Variants in MCF2L observed in about 807,000 individuals in gnomAD.
MCF2L encodes the protein guanine nucleotide exchange factor DBS.
In MCF2L, 97 loss-of-function variants were observed where a neutral mutation model predicts 153.4. The observed-to-expected ratio is 0.63, with a 90% CI of 0.54 to 0.75. MCF2L has a LOEUF of 0.75. Among genes scored for constraint, MCF2L ranks in the 30% least tolerant of loss-of-function variants. The probability of loss-of-function intolerance (pLI) is 0.00; values close to 1 mark genes in which losing one functional copy is unlikely to be tolerated. For missense variants in MCF2L, 1,347 were observed against 1,495.2 expected (o/e 0.90, Z 1.64); for synonymous variants, 659 against 632.2 (o/e 1.04, Z -0.64).
At chr13:112,990,120 C>A (rs879824625) in intron 1 of MCF2L, among the ~76,000 whole-genome samples, 2 of 152,190 alleles carry the variant, frequency 1.3e-5, no homozygotes, top group Admixed American at 1.3e-4. Context: ...CTGTGCAGCC[C>A]GACCAGTACC....
chr13:113,087,418 G>C lies in MCF2L; in HGVS notation c.2557G>C (p.Glu853Gln). The change falls in exon 22 of 30, where the codon GAG becomes CAG. Residue 853 changes from glutamate to glutamine, a missense_variant. By Grantham distance (29) the Glu-to-Gln change is conservative (BLOSUM62 2). Coordinates refer to ENST00000535094, the MANE Select transcript of MCF2L (RefSeq NM_001112732.3). ...GAGGGAGGAGAATGGGGAGGGGTAT[G>C]AGAAAGCTCCCTCCTACAGCTACAA... ...KKREENGEGY[E>Q]KAPSYSYKQS... 1 of 1,612,790 alleles carries C rather than the reference G, an allele frequency of 6.2e-7. No homozygotes were observed. The highest frequency in any genetic ancestry group is 8.5e-7 in the Non-Finnish European group (1 of 1,179,674).
intron 22 of MCF2L, 60 bp from the exon 23 acceptor site, chr13:113,087,647 T>A: frequency 1.4e-6 from 2 of 1,454,680 alleles, no homozygotes; most frequent in South Asian, 1.2e-5. Context: ...CAACACCTTT[T>A]AAAAACAAGG....
At chr13:112,918,863 A>C (rs2081324154) in intron 2 of MCF2L, among the ~76,000 whole-genome samples, 1 of 152,176 alleles carries the variant, frequency 6.6e-6, no homozygotes, top group African/African-American at 2.4e-5. Context: ...TTCCCAGTGC[A>C]GGAGCTGAGG....
intron 1 of MCF2L, among the ~76,000 whole-genome samples, chr13:112,998,660 C>A (rs970453943): frequency 1.3e-5 from 2 of 152,224 alleles, no homozygotes; most frequent in African/African-American, 4.8e-5. Context: ...CTTGGCTTCT[C>A]TACTGCGCTC....
chr13:112,964,115 GC>G (rs1566664437), intron 2 of MCF2L, among the ~76,000 whole-genome samples: 3 of 145,496 alleles, frequency 2.1e-5, no homozygotes, highest in Non-Finnish European at 4.5e-5. Context: ...GGGCGGGGGG[GC>G]GGGGGGGCCC....
rs537719361 is a variant in MCF2L, at chr13:112,999,001, C to T, written c.80-15762C>T. 1.7e-4 allele frequency among the ~76,000 whole-genome samples: 26 copies of T among 152,292 alleles called. No homozygotes were observed. The East Asian group carries it at 3.5e-3, about 20-fold the overall frequency. On this transcript the variant is annotated intron_variant, in intron 1 of 29. Coordinates refer to ENST00000535094, the MANE Select transcript of MCF2L (RefSeq NM_001112732.3). ...GGTGGGTGAGCAGCCATGGCCACAG[C>T]GATGAGCCCGGGATGGTTTCCCGTG...
Position 113,078,652 on chromosome 13 carries a change from G to A in MCF2L, c.1735-14G>A. On this transcript the variant is annotated splice_polypyrimidine_tract_variant and intron_variant, in intron 14 of 29. Transcript: ENST00000535094. ...CGTCCCGCCTTTCAGACCTGACGCTGTTTTTCTCCCCAGAGTGAGATGAGT... is the reference window on the plus strand; with the variant it reads ...CGTCCCGCCTTTCAGACCTGACGCTATTTTTCTCCCCAGAGTGAGATGAGT... 1 of 1,611,090 alleles carries A rather than the reference G, an allele frequency of 6.2e-7. No individual in the cohort carries two copies.
chr13:112,973,583 G>A (rs1163073614), intron 1 of MCF2L, among the ~76,000 whole-genome samples: 1 of 152,194 alleles, frequency 6.6e-6, no homozygotes, highest in Admixed American at 6.5e-5. Flanking sequence ...AAGAGCTCCT[G>A]AGAACGCAGC....
Position 113,087,291 on chromosome 13 carries a change from C to T in MCF2L, c.2430C>T (p.Thr810=), listed in dbSNP as rs373293257. 8.7e-6 allele frequency: 14 copies of T among 1,613,122 alleles called. No homozygotes were observed. In the South Asian group the frequency reaches 8.8e-5, roughly 10 times the overall value. ...TGCAGGGCTCGTTCAGCGTCTGGAC[C>T]GACCACAAGAGGGGCCACACCAAGG... is the stretch of plus-strand genomic sequence containing the variant. The part of the protein sequence containing the change: ...LLMQGSFSVW[T]DHKRGHTKVK... Residue 810 remains threonine, a synonymous_variant, in exon 22 of 30, where the codon ACC becomes ACT. Coordinates refer to ENST00000535094, the MANE Select transcript of MCF2L (RefSeq NM_001112732.3).
intron 1 of MCF2L, among the ~76,000 whole-genome samples, chr13:112,988,516 A>T (rs1170517934): frequency 6.7e-6 from 1 of 149,710 alleles, no homozygotes; most frequent in Admixed American, 6.6e-5. Flanking sequence ...GAGCTACCAC[A>T]CCCGAGTCCT....
chr13:112,944,357 C>T (rs1378213446), intron 2 of MCF2L, among the ~76,000 whole-genome samples: 1 of 152,082 alleles, frequency 6.6e-6, no homozygotes, highest in African/African-American at 2.4e-5. Context: ...CCAATCCCTA[C>T]AGCGTATGTG....
At chr13:113,081,112 G>C in intron 15 of MCF2L, 101 bp from the exon 16 acceptor site, 1 of 995,594 alleles carries the variant, frequency 1.0e-6, no homozygotes, top group Non-Finnish European at 1.5e-6. Context: ...CCTCCTGCTG[G>C]GCAGGCCATC....
At position 113,064,958 on chromosome 13, in the gene MCF2L, T is replaced by C. The variant is rs778406253; in HGVS notation, c.629T>C (p.Met210Thr). 6.2e-6 allele frequency: 10 copies of C among 1,612,884 alleles called. No homozygotes were observed. In the East Asian group the frequency reaches 1.6e-4, roughly 25 times the overall value. Residue 210 changes from methionine to threonine, a missense_variant, in exon 7 of 30, where the codon ATG becomes ACG. Met to Thr is a moderately conservative substitution (Grantham distance 81). Around this residue, in one of 3 missense-constraint regions of MCF2L, gnomAD observed 820 missense variants for 921.2 expected, o/e 0.89. Transcript: ENST00000535094. This position sits in a 1 kb window ranked among gnomAD's most constrained non-coding sequence, Gnocchi z 6.0. The part of the protein sequence containing the change: ...QRTAIESFAL[M>T]VKQTAQMLQS... ...AAGGCCATCGAAAGTTTCGCCCTCA[T>C]GGTGAAGCAGACGGCTCAGATGCTG...
chr13:112,944,096 C>G (rs2081608719), intron 2 of MCF2L, among the ~76,000 whole-genome samples: 1 of 127,006 alleles, frequency 7.9e-6, no homozygotes, highest in Non-Finnish European at 1.7e-5. Flanking sequence ...GGGTTCCGGA[C>G]CATGAGGGAA....
At chr13:113,041,254 C>A (rs1443760910) in intron 3 of MCF2L, among the ~76,000 whole-genome samples, 1 of 152,212 alleles carries the variant, frequency 6.6e-6, no homozygotes, top group East Asian at 1.9e-4. Flanking sequence ...AGAAGCCACA[C>A]CACCCTCTCC....
At chr13:113,020,316 G>A (rs2993303) in intron 2 of MCF2L, among the ~76,000 whole-genome samples, 67,774 of 152,076 alleles carry the variant, frequency 0.45, 15,480 homozygotes, top group South Asian at 0.68. Flanking sequence ...CATCACGTCC[G>A]TGGAGAAAAC....
chr13:113,095,468 C>G, intron 27 of MCF2L: 2 of 1,071,798 alleles, frequency 1.9e-6, no homozygotes, highest in Non-Finnish European at 1.1e-6. Context: ...ACAGGGTGCA[C>G]GGGGCCTGGG....
At chr13:113,017,045 T>A (rs557574214) in intron 2 of MCF2L, among the ~76,000 whole-genome samples, 94 of 152,308 alleles carry the variant, frequency 6.2e-4, no homozygotes, top group African/African-American at 2.2e-3. Context: ...GTACCACGTC[T>A]GAGAAGGATC....
chr13:112,949,731 A>AG (rs113949252), intron 2 of MCF2L, among the ~76,000 whole-genome samples: 10,812 of 151,802 alleles, frequency 0.071, 451 homozygotes, highest in African/African-American at 0.1. Context: ...ATAGGAGTAG[A>AG]GGGGGGGACC....
Sources: gnomAD v4.1 joint callset for allele counts (sites outside exome capture counted in the v4.1 genomes callset) on GRCh38, gnomAD v4.1.1 for gene constraint, gnomAD v4.1.1 regional missense constraint, Gnocchi (gnomAD v3.1) non-coding constraint, MANE v1.5 for transcripts, NCBI Gene and HGNC (gene_info 2026-07-23, HGNC 2026-07-21) for gene names.